The following NRXN3 variants were observed in gnomAD, a reference collection of about 807,000 sequenced individuals.
The protein encoded by NRXN3 is neurexin 3.
NRXN3 carries 32 observed loss-of-function variants against 137.6 expected under a neutral mutation model. That is an observed-to-expected ratio of 0.23 (90% CI 0.18 to 0.31). The LOEUF is 0.31. Among genes scored for constraint, NRXN3 ranks in the 10% least tolerant of loss-of-function variants. The pLI is 1.00. For synonymous variants in NRXN3, 798 were observed against 784.5 expected (o/e 1.02, Z -0.29); for missense variants, 1,574 against 2,062.5 (o/e 0.76, Z 4.59).
intron 19 of NRXN3, among the ~76,000 whole-genome samples, chr14:79,766,021 C>A (rs2099054836): frequency 6.6e-6 from 1 of 152,084 alleles, no homozygotes; most frequent in Middle Eastern, 3.2e-3. Context: ...TAAAATTAAT[C>A]AATTTTTTAA....
intron 1 of NRXN3, among the ~76,000 whole-genome samples, chr14:78,195,576 T>G (rs1414619612): frequency 6.6e-6 from 1 of 152,086 alleles, no homozygotes; most frequent in Non-Finnish European, 1.5e-5. Flanking sequence ...GGACAGCCCA[T>G]CTGGGGAGAT....
At chr14:78,938,125 A>T (rs982080583) in intron 10 of NRXN3, among the ~76,000 whole-genome samples, 1 of 152,266 alleles carries the variant, frequency 6.6e-6, no homozygotes, top group Non-Finnish European at 1.5e-5. Flanking sequence ...CCTGTGCTGG[A>T]CACATTCTCT....
chr14:79,437,693 C>T (rs895200416), intron 15 of NRXN3, among the ~76,000 whole-genome samples: 3 of 152,170 alleles, frequency 2.0e-5, no homozygotes, highest in African/African-American at 7.2e-5. Flanking sequence ...CTGCAGACTT[C>T]TGGGGTGATT....
chr14:79,297,166 G>C (rs2084321333), intron 15 of NRXN3, among the ~76,000 whole-genome samples: 1 of 152,172 alleles, frequency 6.6e-6, no homozygotes, highest in South Asian at 2.1e-4. Context: ...CCAGGCCATA[G>C]GTTCTCATAA....
intron 15 of NRXN3, among the ~76,000 whole-genome samples, chr14:79,462,288 G>A (rs113255320): frequency 4.3e-4 from 65 of 152,062 alleles, no homozygotes; most frequent in African/African-American, 1.5e-3. Context: ...GAGGAGAATC[G>A]CTTGAACCCA....
intron 17 of NRXN3, among the ~76,000 whole-genome samples, chr14:79,664,720 C>G (rs17836262): frequency 0.11 from 16,569 of 152,188 alleles, 1,018 homozygotes; most frequent in Middle Eastern, 0.23. Context: ...TCTTGCCTCT[C>G]ACTTCTCCCA....
intron 15 of NRXN3, among the ~76,000 whole-genome samples, chr14:79,433,449 A>G (rs2095795893): frequency 6.6e-6 from 1 of 152,150 alleles, no homozygotes; most frequent in Non-Finnish European, 1.5e-5. Flanking sequence ...TCTCCTGACC[A>G]CTAGCATTCT....
At chr14:79,280,779 C>T (rs2081155833) in intron 15 of NRXN3, 2 of 510,196 alleles carry the variant, frequency 3.9e-6, no homozygotes, top group Admixed American at 3.3e-5. Flanking sequence ...CCCTTAGCTC[C>T]CTCATTCATA....
intron 16 of NRXN3, among the ~76,000 whole-genome samples, chr14:79,537,388 C>CCATTAACT (rs1316516380): frequency 6.6e-6 from 1 of 151,848 alleles, no homozygotes; most frequent in Non-Finnish European, 1.5e-5. Context: ...TGTGCTGCAC[C>CCATTAACT]CATTAACTTG....
chr14:78,287,801 C>T (rs1483720706), intron 3 of NRXN3, among the ~76,000 whole-genome samples: 1 of 152,036 alleles, frequency 6.6e-6, no homozygotes, highest in Non-Finnish European at 1.5e-5. Flanking sequence ...AAAACATCTC[C>T]AGTTTTTTTT....
At chr14:79,692,413 C>G (rs1358163909) in intron 18 of NRXN3, among the ~76,000 whole-genome samples, 151 bp downstream of exon 18, 1 of 151,978 alleles carries the variant, frequency 6.6e-6, no homozygotes, top group Admixed American at 6.6e-5. Context: ...TTCCACCTGC[C>G]ATATGTTGAT....
chr14:79,289,931 A>G (rs1176313817), intron 15 of NRXN3, among the ~76,000 whole-genome samples: 1 of 152,174 alleles, frequency 6.6e-6, no homozygotes, highest in Non-Finnish European at 1.5e-5. Flanking sequence ...TTGAGTGGCT[A>G]TGAAAACATA....
In NRXN3 at chr14:78,998,599, A is replaced by AT. The variant is rs113146494; in HGVS notation, c.3262+10475dup. On this transcript the variant is annotated intron_variant, in intron 15 of 20. Coordinates refer to ENST00000335750, the MANE Select transcript of NRXN3 (RefSeq NM_001330195.2). ...GTTTCTGTTAGGAGGGCTACATTAA[A>AT]TTTTTTTTTTTTTTTTTGAGAAGGA... 4.4e-3 allele frequency among the ~76,000 whole-genome samples: 618 copies of AT among 140,050 alleles called. 4 individuals are homozygous for AT. The highest frequency in any genetic ancestry group is 8.0e-3 in the Admixed American group (111 of 13,842). 91.9% of individuals were successfully genotyped at this position (140,050 alleles called of 152,430 possible).
At chr14:79,340,462 G>A (rs1343302054) in intron 15 of NRXN3, among the ~76,000 whole-genome samples, 3 of 150,016 alleles carry the variant, frequency 2.0e-5, no homozygotes, top group African/African-American at 5.1e-5. Flanking sequence ...TTTTATTTAC[G>A]TATGTATGTA....
chr14:79,855,240 T>C (rs1362084104), intron 20 of NRXN3, among the ~76,000 whole-genome samples: 4 of 152,244 alleles, frequency 2.6e-5, no homozygotes, highest in African/African-American at 9.6e-5. Flanking sequence ...TGCTGCCTTA[T>C]GTACTTCAAC....
chr14:78,368,662 T>C lies in NRXN3; in HGVS notation c.757+70802T>C, dbSNP rs142686861. Among the ~76,000 whole-genome samples, 38 of 152,278 alleles carry C rather than the reference T, an allele frequency of 2.5e-4. 2 individuals carry two copies. The East Asian group carries it at 7.3e-3, about 29-fold the overall frequency. On this transcript the variant is annotated intron_variant, in intron 4 of 20. Coordinates refer to ENST00000335750, the MANE Select transcript of NRXN3 (RefSeq NM_001330195.2). ...GTGAGCTGAGATCACACCATTGCAC[T>C]CCAGCCTGGGTGACAAGAGCAAAGA...
chr14:79,657,869 C>T (rs2098513937), intron 16 of NRXN3, among the ~76,000 whole-genome samples: 1 of 152,080 alleles, frequency 6.6e-6, no homozygotes. Context: ...TTATTTTATC[C>T]TATAATACTG....
chr14:78,959,655 G>A (rs1451797821), intron 11 of NRXN3, among the ~76,000 whole-genome samples: 1 of 152,140 alleles, frequency 6.6e-6, no homozygotes, highest in African/African-American at 2.4e-5. Flanking sequence ...CCTGGTCTAC[G>A]TGCCTGGAGC....
At chr14:79,167,817 C>T (rs1185022062) in intron 15 of NRXN3, among the ~76,000 whole-genome samples, 1 of 151,962 alleles carries the variant, frequency 6.6e-6, no homozygotes, top group Non-Finnish European at 1.5e-5. Flanking sequence ...CTCCCTCTTG[C>T]CCCTACCTGC....
Sources: gnomAD v4.1 joint callset for allele counts (sites outside exome capture counted in the v4.1 genomes callset) on GRCh38, gnomAD v4.1.1 for gene constraint, MANE v1.5 for transcripts, NCBI Gene and HGNC (gene_info 2026-07-23, HGNC 2026-07-21) for gene names.